The following KCNJ6 variants were observed in gnomAD, a reference collection of about 807,000 sequenced individuals.
KCNJ6 encodes the protein G protein-activated inward rectifier potassium channel 2.
In KCNJ6, 9 loss-of-function variants were observed where a neutral mutation model predicts 34.2. That is an observed-to-expected ratio of 0.26 (90% CI 0.16 to 0.46). The LOEUF is 0.46. Ranked by LOEUF, KCNJ6 falls within the 20% of genes least tolerant of loss-of-function variation. The pLI is 1.00. For synonymous variants in KCNJ6, 196 were observed against 207.1 expected (o/e 0.95, Z 0.46); for missense variants, 236 against 531.3 (o/e 0.44, Z 5.46).
At chr21:37,636,633 C>G (rs902969001) in intron 3 of KCNJ6, among the ~76,000 whole-genome samples, 1 of 152,184 alleles carries the variant, frequency 6.6e-6, no homozygotes, top group Admixed American at 6.5e-5. Context: ...GCAAAGCTCA[C>G]TCTGCCTAGG....
chr21:37,693,209 A>G (rs867481555), intron 3 of KCNJ6, among the ~76,000 whole-genome samples: 3 of 152,164 alleles, frequency 2.0e-5, no homozygotes, highest in Middle Eastern at 6.3e-3. Flanking sequence ...TTTTCTTGCC[A>G]CTTGAAGGTA....
chr21:37,905,039 C>T (rs1290429524), intron 1 of KCNJ6, among the ~76,000 whole-genome samples: 1 of 152,230 alleles, frequency 6.6e-6, no homozygotes, highest in East Asian at 1.9e-4. Flanking sequence ...TGCGCCTGGA[C>T]TGCAGCCACG....
intron 3 of KCNJ6, among the ~76,000 whole-genome samples, chr21:37,650,111 A>G (rs2054426372): frequency 6.6e-6 from 1 of 152,104 alleles, no homozygotes; most frequent in Non-Finnish European, 1.5e-5. Context: ...GCATTCTAGA[A>G]AAGCAGGGCA....
At chr21:37,708,538 C>T (rs13049947) in intron 3 of KCNJ6, among the ~76,000 whole-genome samples, 55,320 of 150,398 alleles carry the variant, frequency 0.37, 10,310 homozygotes, top group East Asian at 0.43. Context: ...TCTTGATTTA[C>T]GGGTGGCAGA....
chr21:37,880,098 T>TA (rs2055700076), intron 1 of KCNJ6, among the ~76,000 whole-genome samples: 1 of 49,354 alleles, frequency 2.0e-5, no homozygotes, highest in African/African-American at 1.0e-4. Context: ...GCTCTAAAAA[T>TA]ACAAAAAAAA....
chr21:37,661,033 A>G (rs556800415), intron 3 of KCNJ6, among the ~76,000 whole-genome samples: 125 of 152,356 alleles, frequency 8.2e-4, no homozygotes, highest in African/African-American at 2.7e-3. Flanking sequence ...CCAAAATACA[A>G]TTGAATATTG....
At chr21:37,874,261 C>T (rs1000738660) in intron 1 of KCNJ6, among the ~76,000 whole-genome samples, 3 of 152,230 alleles carry the variant, frequency 2.0e-5, no homozygotes, top group African/African-American at 7.2e-5. Flanking sequence ...GTCACTTTCA[C>T]TTGGTCTCTC....
chr21:37,679,689 T>C (rs2054582175), intron 3 of KCNJ6, among the ~76,000 whole-genome samples: 1 of 31,386 alleles, frequency 3.2e-5, no homozygotes, highest in Non-Finnish European at 5.8e-5. Context: ...AGGGTTAGTG[T>C]GTTCATTGGC....
intron 3 of KCNJ6, among the ~76,000 whole-genome samples, chr21:37,631,023 A>T (rs1439802644): frequency 6.6e-6 from 1 of 152,024 alleles, no homozygotes; most frequent in Non-Finnish European, 1.5e-5. Flanking sequence ...GGCCACCATA[A>T]CACTTCAGTG....
chr21:37,802,775 A>G (rs1406966146), intron 2 of KCNJ6, among the ~76,000 whole-genome samples: 4 of 152,214 alleles, frequency 2.6e-5, no homozygotes, highest in South Asian at 2.1e-4. Flanking sequence ...CTTCTGGAAA[A>G]GAGCATTTAA....
chr21:37,907,859 T>G (rs1032141558), intron 1 of KCNJ6, among the ~76,000 whole-genome samples: 3 of 152,232 alleles, frequency 2.0e-5, no homozygotes, highest in African/African-American at 7.2e-5. Flanking sequence ...GCCTATTCCC[T>G]TCTGCACATA....
intron 2 of KCNJ6, among the ~76,000 whole-genome samples, chr21:37,721,413 T>C (rs576081753): frequency 2.6e-5 from 4 of 152,284 alleles, no homozygotes; most frequent in East Asian, 3.9e-4. Context: ...ATCCAGCAAT[T>C]GCACTTCTAG....
At chr21:37,709,923 C>A (rs1271404081) in intron 3 of KCNJ6, among the ~76,000 whole-genome samples, 1 of 152,206 alleles carries the variant, frequency 6.6e-6, no homozygotes, top group Non-Finnish European at 1.5e-5. Flanking sequence ...TGTTAACTCC[C>A]AGATGGCAAC....
In KCNJ6 at chr21:37,714,306, T is replaced by A; in HGVS notation, c.851A>T (p.Asn284Ile). The change falls in exon 3 of 4, where the codon AAC becomes ATC. Residue 284 changes from asparagine (N) to isoleucine (I), a missense_variant. Transcript: ENST00000609713. This position sits in a 1 kb window ranked among gnomAD's most constrained non-coding sequence, Gnocchi z 5.9. ...GATCTCCCAGAAAGGACTCTGTTGG[T>A]TAATTTCATGGCTAATGATCAGCGG... ...VSPLIISHEI[N>I]QQSPFWEISK... 6.2e-7 allele frequency: 1 copy of A among 1,614,062 alleles called. No individual in the cohort carries two copies. Among genetic ancestry groups the A allele is most frequent in the Non-Finnish European group, 8.5e-7 (1 of 1,179,952 alleles).
intron 3 of KCNJ6, among the ~76,000 whole-genome samples, chr21:37,664,469 T>A (rs1294656351): frequency 4.6e-5 from 7 of 151,896 alleles, no homozygotes; most frequent in Non-Finnish European, 8.8e-5. Context: ...AATATATAAT[T>A]TAAATACACA....
intron 3 of KCNJ6, among the ~76,000 whole-genome samples, chr21:37,643,837 A>C (rs1259199430): frequency 1.3e-5 from 2 of 152,194 alleles, no homozygotes; most frequent in Admixed American, 6.5e-5. Context: ...AGACCTAAAA[A>C]CAGAAATATC....
chr21:37,713,554 A>T (rs764804547), intron 3 of KCNJ6, among the ~76,000 whole-genome samples: 2 of 152,224 alleles, frequency 1.3e-5, no homozygotes, highest in Non-Finnish European at 2.9e-5. Context: ...TGAACAGATC[A>T]TCTTCCCTAA....
intron 1 of KCNJ6, among the ~76,000 whole-genome samples, chr21:37,889,964 A>C (rs1210030877): frequency 6.6e-6 from 1 of 152,110 alleles, no homozygotes; most frequent in Admixed American, 6.5e-5. Flanking sequence ...ACACAATTCA[A>C]CTCAGTGAGC....
At chr21:37,653,210 T>G (rs857983) in intron 3 of KCNJ6, among the ~76,000 whole-genome samples, 139,928 of 152,230 alleles carry the variant, frequency 0.92, 64,657 homozygotes, top group Middle Eastern at 0.99. Context: ...TAAGGAACTG[T>G]CAAGAATTTT....
Sources: allele counts gnomAD v4.1 joint callset (sites outside exome capture counted in the v4.1 genomes callset), GRCh38; gene constraint gnomAD v4.1.1; non-coding constraint Gnocchi (gnomAD v3.1); transcripts MANE v1.5; gene names NCBI Gene and HGNC (gene_info 2026-07-23, HGNC 2026-07-21).